Variants in ROR1 observed in about 807,000 individuals in gnomAD.
ROR1 encodes inactive tyrosine-protein kinase transmembrane receptor ROR1.
ROR1 carries 19 observed loss-of-function variants against 78.8 expected under a neutral mutation model. That is an observed-to-expected ratio of 0.24 (90% CI 0.17 to 0.35). The LOEUF is 0.35. Ranked by LOEUF, ROR1 falls within the 10% of genes least tolerant of loss-of-function variation. The pLI is 1.00. For missense variants in ROR1, 917 were observed against 1,177.8 expected, an observed-to-expected ratio of 0.78 and a Z score of 3.24; for synonymous variants, 386 against 433.6, an observed-to-expected ratio of 0.89 and a Z score of 1.36.
intron 4 of ROR1, among the ~76,000 whole-genome samples, chr1:64,083,536 T>TGTGTGTGTGTGTGTGTGTG (rs139973518): frequency 6.6e-6 from 1 of 150,726 alleles, no homozygotes; most frequent in South Asian, 2.1e-4. Flanking sequence ...AGTGTGTGTG[T>TGTGTGTGTGTGTGTGTGTG]TTTAGGAACA....
chr1:63,837,822 T>A (rs939054343), intron 1 of ROR1, among the ~76,000 whole-genome samples: 1 of 152,188 alleles, frequency 6.6e-6, no homozygotes, highest in Admixed American at 6.5e-5. Flanking sequence ...ATTCCGTCTC[T>A]TAAAAAATAA....
At chr1:64,100,644 G>A (rs1035362221) in intron 4 of ROR1, among the ~76,000 whole-genome samples, 7 of 152,192 alleles carry the variant, frequency 4.6e-5, no homozygotes, top group Non-Finnish European at 1.0e-4. Flanking sequence ...AGTAAAAGAT[G>A]TAAAACTCAT....
chr1:64,092,495 A>G (rs1448682323), intron 4 of ROR1, among the ~76,000 whole-genome samples: 1 of 151,810 alleles, frequency 6.6e-6, no homozygotes, highest in Non-Finnish European at 1.5e-5. Flanking sequence ...TCAAAGATTC[A>G]TGGAGGTGTC....
intron 1 of ROR1, among the ~76,000 whole-genome samples, chr1:63,969,033 A>G (rs886657895): frequency 2.0e-5 from 3 of 152,154 alleles, no homozygotes; most frequent in African/African-American, 7.2e-5. Context: ...TGGATTCTCT[A>G]AGCCTGCAGG....
At chr1:63,864,944 A>G (rs371823820) in intron 1 of ROR1, among the ~76,000 whole-genome samples, 2 of 151,694 alleles carry the variant, frequency 1.3e-5, no homozygotes, top group African/African-American at 2.4e-5. Flanking sequence ...TACTCATCCA[A>G]TCTGTGAGTT....
intron 4 of ROR1, among the ~76,000 whole-genome samples, chr1:64,061,598 C>T (rs990766442): frequency 6.6e-6 from 1 of 152,162 alleles, no homozygotes; most frequent in African/African-American, 2.4e-5. Context: ...ATTTCTTACA[C>T]TTTCCCAGGG....
chr1:63,826,237 C>T (rs538563318), intron 1 of ROR1, among the ~76,000 whole-genome samples: 21 of 152,126 alleles, frequency 1.4e-4, no homozygotes, highest in Non-Finnish European at 2.9e-4. Context: ...CGATGCTCTC[C>T]TTCCTCCCAC....
intron 1 of ROR1, among the ~76,000 whole-genome samples, chr1:63,870,008 A>C (rs767734662): frequency 1.3e-5 from 2 of 152,216 alleles, no homozygotes; most frequent in Non-Finnish European, 2.9e-5. Context: ...ATTATTATTT[A>C]TTGCACAAAT....
intron 4 of ROR1, among the ~76,000 whole-genome samples, chr1:64,129,522 A>G (rs991129895): frequency 6.6e-6 from 1 of 152,180 alleles, no homozygotes. Context: ...GGGGGCGCTG[A>G]ACTCGGGGAC....
intron 1 of ROR1, among the ~76,000 whole-genome samples, chr1:63,800,863 G>GTT (rs1644792754): frequency 6.6e-6 from 1 of 152,068 alleles, no homozygotes; most frequent in Non-Finnish European, 1.5e-5. Context: ...AAGTTTGACT[G>GTT]ACCTTGAATC....
chr1:63,866,455 A>G (rs1645215951), intron 1 of ROR1, among the ~76,000 whole-genome samples: 2 of 152,218 alleles, frequency 1.3e-5, no homozygotes, highest in Admixed American at 1.3e-4. Context: ...TGTTACATCC[A>G]CTTGATCATC....
chr1:64,064,528 C>T (rs544202179), intron 4 of ROR1, among the ~76,000 whole-genome samples: 5 of 152,312 alleles, frequency 3.3e-5, no homozygotes, highest in South Asian at 2.1e-4. Context: ...GGGCAAGGAA[C>T]GGATCTGAAG....
At chr1:64,097,998 G>A (rs1242490530) in intron 4 of ROR1, among the ~76,000 whole-genome samples, 3 of 152,066 alleles carry the variant, frequency 2.0e-5, no homozygotes, top group African/African-American at 7.2e-5. Context: ...CTACTCATCT[G>A]TAAGACTTAG....
chr1:64,083,581 TAG>T (rs782697527), intron 4 of ROR1, among the ~76,000 whole-genome samples: 19,430 of 138,628 alleles, frequency 0.14, 1,501 homozygotes, highest in Middle Eastern at 0.18. Flanking sequence ...TTAAAGGTGC[TAG>T]AGAGAGAGAG....
chr1:64,020,059 C>G (rs1352828906), intron 2 of ROR1, among the ~76,000 whole-genome samples: 1 of 152,088 alleles, frequency 6.6e-6, no homozygotes, highest in Admixed American at 6.5e-5. Context: ...TGCCAGGGCC[C>G]TCAGAAACTA....
intron 4 of ROR1, among the ~76,000 whole-genome samples, chr1:64,055,020 T>G (rs1413273446): frequency 6.6e-6 from 1 of 152,222 alleles, no homozygotes; most frequent in Non-Finnish European, 1.5e-5. Flanking sequence ...CCAGTCATAC[T>G]GTATTGGGAT....
chr1:64,094,426 G>A (rs1041826254), intron 4 of ROR1: 5 of 152,214 alleles, frequency 3.3e-5, no homozygotes, highest in Non-Finnish European at 5.9e-5. Context: ...AGTGGAAAGA[G>A]AACCAAGAAG....
chr1:64,078,308 A>G (rs767135084), intron 4 of ROR1, among the ~76,000 whole-genome samples: 4 of 152,224 alleles, frequency 2.6e-5, no homozygotes, highest in Admixed American at 6.5e-5. Flanking sequence ...AGGGGAGATC[A>G]TTGCGGGCAC....
At chr1:63,914,762 T>A (rs1441973679) in intron 1 of ROR1, among the ~76,000 whole-genome samples, 5 of 152,106 alleles carry the variant, frequency 3.3e-5, no homozygotes, top group Admixed American at 3.3e-4. Context: ...TCAGCCATTT[T>A]AAAAAATTGG....
Sources: gnomAD v4.1 joint callset for allele counts (sites outside exome capture counted in the v4.1 genomes callset) on GRCh38, gnomAD v4.1.1 for gene constraint, MANE v1.5 for transcripts, NCBI Gene and HGNC (gene_info 2026-07-23, HGNC 2026-07-21) for gene names.